The following GJB1 variants were observed in gnomAD, a reference collection of about 807,000 sequenced individuals.
The protein encoded by GJB1 is gap junction beta-1 protein.
In GJB1, 1 loss-of-function variant was observed where a neutral mutation model predicts 12.0. That is an observed-to-expected ratio of 0.08 (90% CI 0.03 to 0.40). GJB1 has a LOEUF of 0.40. Ranked by LOEUF, GJB1 falls within the 10% of genes least tolerant of loss-of-function variation. The probability of loss-of-function intolerance (pLI) is 0.98; values close to 1 mark genes in which losing one functional copy is unlikely to be tolerated. For missense variants in GJB1, 140 were observed against 250.3 expected, an observed-to-expected ratio of 0.56 and a Z score of 2.97; for synonymous variants, 114 against 102.8, an observed-to-expected ratio of 1.11 and a Z score of -0.66.
At chrX:71,223,568 A>C (rs1002728687) in intron 1 of GJB1, 124 bp from the exon 2 acceptor site, 75 of 639,787 alleles carry the variant, frequency 1.2e-4, no homozygotes, top group Non-Finnish European at 1.9e-4. Flanking sequence ...GAAAGACATG[A>C]CCATCCTTCC....
upstream of GJB1, among the ~76,000 whole-genome samples, chrX:71,220,571 A>G (rs2147942409): frequency 9.2e-6 from 1 of 109,080 alleles, no homozygotes; most frequent in South Asian, 3.9e-4. Flanking sequence ...CAGTGACGGG[A>G]TCTCCACTCA....
At chrX:71,218,574 C>G (rs1165610778), upstream of GJB1, among the ~76,000 whole-genome samples, 3 of 90,828 alleles carry the variant, frequency 3.3e-5, no homozygotes, top group Non-Finnish European at 4.4e-5. Context: ...AGAGTGAGAC[C>G]CTGTCTCAAA....
Position 71,223,682 on chromosome X carries a change from T to C in GJB1, c.-16-10T>C. On this transcript the variant is annotated splice_polypyrimidine_tract_variant and intron_variant, in intron 1 of 1. Coordinates refer to ENST00000361726, the MANE Select transcript of GJB1 (RefSeq NM_000166.6). ...TTCTGACAGCTTGCTTCATGGCTGG[T>C]GTTTTGCAGGTGTGAATGAGGCAGG... The C allele has an allele frequency of 1.1e-5, 13 of 1,207,832 alleles. No individual in the cohort carries two copies. The highest frequency in any genetic ancestry group is 1.5e-5 in the Non-Finnish European group (13 of 894,353).
chrX:71,221,630 C>T (rs1373801970), upstream of GJB1, among the ~76,000 whole-genome samples: 1 of 111,374 alleles, frequency 9.0e-6, no homozygotes, highest in Non-Finnish European at 1.9e-5. Flanking sequence ...GTCCTCCTCA[C>T]ATTCAGTTTC....
upstream of GJB1, among the ~76,000 whole-genome samples, chrX:71,221,699 G>A (rs2092538298): frequency 9.0e-6 from 1 of 111,326 alleles, no homozygotes; most frequent in Non-Finnish European, 1.9e-5. Context: ...GGTGGGAGAA[G>A]CCTTCTTAGC....
chrX:71,216,727 C>T (rs2092526458), intron 1 of GJB1, among the ~76,000 whole-genome samples: 1 of 111,052 alleles, frequency 9.0e-6, no homozygotes, highest in African/African-American at 3.3e-5. Context: ...TGACCCAAGC[C>T]TGGCCACGGA....
At chrX:71,219,991 C>A (rs759725987), upstream of GJB1, among the ~76,000 whole-genome samples, 1 of 103,729 alleles carries the variant, frequency 9.6e-6, no homozygotes, top group African/African-American at 3.5e-5. Context: ...TACAGGCATG[C>A]GCCACCACGC....
intron 1 of GJB1, chrX:71,217,977 T>C (rs2092528639): frequency 9.0e-6 from 1 of 111,318 alleles, no homozygotes. Context: ...TGTCAATTGC[T>C]ACAACAAAAG....
chrX:71,218,907 G>A (rs189349298), upstream of GJB1, among the ~76,000 whole-genome samples: 4,541 of 108,385 alleles, frequency 0.042, 87 homozygotes, highest in Non-Finnish European at 0.064. Flanking sequence ...AAAAGTGTGT[G>A]TTCTGGAGTC....
upstream of GJB1, among the ~76,000 whole-genome samples, chrX:71,223,025 G>C (rs892555880): frequency 9.0e-6 from 1 of 111,665 alleles, no homozygotes; most frequent in Admixed American, 9.5e-5. Flanking sequence ...GCTATGGGGC[G>C]GGTGCGGCGA....
upstream of GJB1, chrX:71,222,842 C>T (rs984971500): frequency 3.6e-5 from 4 of 111,642 alleles, no homozygotes; most frequent in Admixed American, 9.5e-5. Context: ...TCTCCATATT[C>T]CGGAGAGGAT....
upstream of GJB1, among the ~76,000 whole-genome samples, chrX:71,220,511 T>C (rs867043254): frequency 1.0e-5 from 1 of 96,864 alleles, no homozygotes; most frequent in Non-Finnish European, 2.0e-5. Flanking sequence ...TTTGTTTGTT[T>C]GTTCGTCTTT....
At chrX:71,218,780 A>G (rs41417148), upstream of GJB1, among the ~76,000 whole-genome samples, 16,758 of 105,574 alleles carry the variant, frequency 0.16, 1,118 homozygotes, top group African/African-American at 0.21. Flanking sequence ...CAGCTACTCA[A>G]GAGTCTGAGG....
chrX:71,224,362 C>T lies in GJB1; in HGVS notation c.655C>T (p.Arg219Cys), dbSNP rs144381053. ...GTACCTCATCATCCGGGCCTGTGCC[C>T]GCCGAGCCCAGCGCCGCTCCAATCC... ...VVYLIIRACA[R>C]RAQRRSNPPS... Residue 219 changes from arginine (R) to cysteine (C), a missense_variant, in exon 2 of 2, where the codon CGC (arginine) becomes TGC (cysteine). Arg to Cys is a radical substitution (Grantham distance 180, BLOSUM62 -3). Coordinates refer to ENST00000361726, the MANE Select transcript of GJB1 (RefSeq NM_000166.6). 2.5e-6 allele frequency: 3 copies of T among 1,210,205 alleles called. No individual in the cohort carries two copies. The South Asian group carries it at 5.3e-5, about 21-fold the overall frequency.
rs765686240 is a variant in GJB1 at position 71,224,148 on chromosome X, C to T, written c.441C>T (p.Ala147=). Residue 147 remains alanine, a synonymous_variant, in exon 2 of 2, where the codon GCC becomes GCT. Transcript: ENST00000361726. ...ISVVFRLLFE[A]VFMYVFYLLY... ...TGGTGTTCCGGCTGTTGTTTGAGGCCGTCTTCATGTATGTCTTTTATCTGC... is the reference window on the plus strand; with the variant it reads ...TGGTGTTCCGGCTGTTGTTTGAGGCTGTCTTCATGTATGTCTTTTATCTGC... 1.1e-4 allele frequency: 135 copies of T among 1,202,451 alleles called. No individual in the cohort carries two copies. Among genetic ancestry groups the T allele is most frequent in the Non-Finnish European group, 1.4e-4 (128 of 891,779 alleles).
chrX:71,217,480 G>A (rs1478149872), intron 1 of GJB1, among the ~76,000 whole-genome samples: 1 of 111,831 alleles, frequency 8.9e-6, no homozygotes, highest in Non-Finnish European at 1.9e-5. Flanking sequence ...GCCTGACAAG[G>A]CCAGAGAAGT....
chrX:71,220,567 C>G (rs777519059), upstream of GJB1, among the ~76,000 whole-genome samples: 1 of 109,662 alleles, frequency 9.1e-6, no homozygotes, highest in East Asian at 2.9e-4. Context: ...AGTGCAGTGA[C>G]GGGATCTCCA....
rs1218391757 is a variant in GJB1 at position 71,224,375 on chromosome X, G to A, written c.668G>A (p.Arg223His). ...IIRACARRAQ[R>H]RSNPPSRKGS... The stretch of plus-strand genomic sequence containing the variant: ...CGGGCCTGTGCCCGCCGAGCCCAGC[G>A]CCGCTCCAATCCACCTTCCCGCAAG... The change falls in exon 2 of 2, where the codon CGC becomes CAC. Residue 223 changes from arginine (R) to histidine (H), a missense_variant. Physicochemically the swap from Arg to His is conservative, Grantham distance 29 (BLOSUM62 0). Around this residue, in one of 4 missense-constraint regions of GJB1, gnomAD observed 75 missense variants for 78.8 expected, o/e 0.95. Transcript: ENST00000361726. The A allele has an allele frequency of 5.0e-6, 6 of 1,210,126 alleles. No homozygotes were observed. Among genetic ancestry groups the A allele is most frequent in the African/African-American group, 1.7e-5 (1 of 57,661 alleles).
In GJB1 at chrX:71,224,259, C is replaced by T; in HGVS notation, c.552C>T (p.Pro184=). Residue 184 remains proline (P), a synonymous_variant, in exon 2 of 2, where the codon CCC becomes CCT. Transcript: ENST00000361726. ...PNTVDCFVSR[P]TEKTVFTVFM... ...CAGTGGACTGCTTCGTGTCCCGCCCCACCGAGAAAACCGTCTTCACCGTCT... is the reference window on the plus strand; with the variant it reads ...CAGTGGACTGCTTCGTGTCCCGCCCTACCGAGAAAACCGTCTTCACCGTCT... The T allele has an allele frequency of 8.3e-7, 1 of 1,207,456 alleles. No individual in the cohort carries two copies. The highest frequency in any genetic ancestry group is 1.1e-6 in the Non-Finnish European group (1 of 895,090).
Sources: gnomAD v4.1 joint callset for allele counts (sites outside exome capture counted in the v4.1 genomes callset) on GRCh38, gnomAD v4.1.1 for gene constraint, gnomAD v4.1.1 regional missense constraint, MANE v1.5 for transcripts, NCBI Gene and HGNC (gene_info 2026-07-23, HGNC 2026-07-21) for gene names.